The following PIGN variants were observed in gnomAD, a reference collection of about 807,000 sequenced individuals.
PIGN encodes phosphatidylinositol glycan anchor biosynthesis class N.
A neutral mutation model predicts 125.4 loss-of-function variants in PIGN; 117 were observed. That is an observed-to-expected ratio of 0.93 (90% CI 0.80 to 1.09). The LOEUF (loss-of-function observed/expected upper bound fraction) is 1.09. Among genes scored for constraint, PIGN ranks in the 50% least tolerant of loss-of-function variants. The pLI is 0.00. For missense variants in PIGN, 1,075 were observed against 1,094.9 expected (o/e 0.98, Z 0.26); for synonymous variants, 392 against 377.8 (o/e 1.04, Z -0.44).
chr18:62,154,350 G>A (rs564314554), intron 7 of PIGN, 195 bp downstream of exon 7: 1 of 503,584 alleles, frequency 2.0e-6, no homozygotes, highest in African/African-American at 2.0e-5. Context: ...TTTACTAATA[G>A]AAACAAAGGA....
intron 22 of PIGN, among the ~76,000 whole-genome samples, chr18:62,100,014 C>T (rs1047703228): frequency 1.3e-5 from 2 of 152,096 alleles, no homozygotes; most frequent in African/African-American, 4.8e-5. Context: ...AAACCATCAA[C>T]GGAGTGAAGA....
chr18:62,031,207 C>G (rs1568104261), intron 23 of PIGN, among the ~76,000 whole-genome samples: 1 of 152,184 alleles, frequency 6.6e-6, no homozygotes, highest in Admixed American at 6.5e-5. Flanking sequence ...CCTGCACAAG[C>G]TCTCTTGCCT....
intron 10 of PIGN, among the ~76,000 whole-genome samples, chr18:62,144,032 A>G (rs955550684): frequency 6.6e-6 from 1 of 152,214 alleles, no homozygotes; most frequent in African/African-American, 2.4e-5. Context: ...TAAGCTAATT[A>G]AAGTTTAAAA....
At chr18:62,178,850 C>T (rs895613098) in intron 1 of PIGN, among the ~76,000 whole-genome samples, 11 of 152,112 alleles carry the variant, frequency 7.2e-5, no homozygotes. Context: ...GTTATTAGTT[C>T]TTTAGATGAT....
downstream of PIGN, among the ~76,000 whole-genome samples, chr18:62,038,141 G>A (rs866367739): frequency 1.3e-5 from 2 of 152,124 alleles, no homozygotes; most frequent in Non-Finnish European, 2.9e-5. Context: ...ACTGTGAATC[G>A]GAGGGATAAA....
intron 7 of PIGN, among the ~76,000 whole-genome samples, chr18:62,149,652 G>A (rs1225669067): frequency 1.3e-5 from 2 of 152,150 alleles, no homozygotes; most frequent in South Asian, 2.1e-4. Flanking sequence ...ATATAATTCA[G>A]TAGGAAAGAA....
intron 28 of PIGN, among the ~76,000 whole-genome samples, chr18:62,077,938 G>A (rs530059696): frequency 1.3e-5 from 2 of 152,222 alleles, no homozygotes; most frequent in South Asian, 4.1e-4. Context: ...TTCTCCCTTA[G>A]GTTCACATGT....
At chr18:62,105,415 G>C (rs1164023875) in intron 20 of PIGN, 128 bp downstream of exon 20, 2 of 613,434 alleles carry the variant, frequency 3.3e-6, no homozygotes, top group Non-Finnish European at 5.8e-6. Context: ...GTTTGATATT[G>C]GTATTTTAAA....
intron 23 of PIGN, among the ~76,000 whole-genome samples, chr18:62,024,625 T>C (rs942710298): frequency 1.4e-4 from 21 of 152,308 alleles, no homozygotes; most frequent in African/African-American, 4.8e-4. Context: ...CCCCCCTTGT[T>C]TCTTTCTACC....
At chr18:62,140,024 C>T (rs865973959) in intron 12 of PIGN, among the ~76,000 whole-genome samples, 5 of 151,974 alleles carry the variant, frequency 3.3e-5, no homozygotes, top group Admixed American at 3.3e-4. Flanking sequence ...TCAATTATAA[C>T]CAGAATACAA....
At chr18:62,136,806 T>C (rs2035950840) in intron 14 of PIGN, 1 of 355,228 alleles carries the variant, frequency 2.8e-6, no homozygotes, top group African/African-American at 2.1e-5. Context: ...ACCTCAAAGA[T>C]GCAAGCCCAC....
chr18:62,131,574 T>C (rs1412942872), intron 14 of PIGN, among the ~76,000 whole-genome samples: 1 of 152,194 alleles, frequency 6.6e-6, no homozygotes, highest in Non-Finnish European at 1.5e-5. Context: ...GTGTTTGTTT[T>C]TTAGCAGTTC....
At chr18:62,090,103 C>G (rs184184826) in intron 24 of PIGN, among the ~76,000 whole-genome samples, 1 of 152,218 alleles carries the variant, frequency 6.6e-6, no homozygotes, top group East Asian at 1.9e-4. Context: ...CATAAATTGA[C>G]TTGTGACAAC....
intron 1 of PIGN, among the ~76,000 whole-genome samples, chr18:62,171,621 C>T (rs1354266128): frequency 6.6e-6 from 1 of 152,082 alleles, no homozygotes; most frequent in Non-Finnish European, 1.5e-5. Context: ...TCCTTTTACT[C>T]CTAATATGCT....
intron 1 of PIGN, among the ~76,000 whole-genome samples, chr18:62,164,564 C>T (rs1037584491): frequency 1.1e-4 from 16 of 152,190 alleles, no homozygotes; most frequent in African/African-American, 3.6e-4. Context: ...AACCCACTCA[C>T]TATCAGGAGA....
At chr18:62,084,699 A>G (rs978427678) in intron 26 of PIGN, 93 bp from the exon 27 acceptor site, 3 of 833,458 alleles carry the variant, frequency 3.6e-6, no homozygotes, top group East Asian at 5.4e-5. Context: ...TAATTCTCTG[A>G]AATCTACTTA....
chr18:62,077,407 A>G (rs1224779208), intron 28 of PIGN, among the ~76,000 whole-genome samples: 1 of 152,122 alleles, frequency 6.6e-6, no homozygotes, highest in Non-Finnish European at 1.5e-5. Context: ...CAAAACCTTT[A>G]AAAAACCTTT....
At chr18:62,057,219 C>T (rs1188691015) in intron 30 of PIGN, among the ~76,000 whole-genome samples, 1 of 152,176 alleles carries the variant, frequency 6.6e-6, no homozygotes, top group Non-Finnish European at 1.5e-5. Context: ...GATCCCATAG[C>T]TCCCTCCAGC....
chr18:62,099,542 G>A (rs2034353939), intron 22 of PIGN, among the ~76,000 whole-genome samples: 2 of 151,998 alleles, frequency 1.3e-5, no homozygotes, highest in Non-Finnish European at 2.9e-5. Context: ...ATGAAGTCAG[G>A]CTGAAGGCAT....
Sources: allele counts gnomAD v4.1 joint callset (sites outside exome capture counted in the v4.1 genomes callset), GRCh38; gene constraint gnomAD v4.1.1; transcripts MANE v1.5; gene names NCBI Gene and HGNC (gene_info 2026-07-23, HGNC 2026-07-21).